Variants in TPCN1 observed in about 807,000 individuals in gnomAD.
TPCN1 encodes the protein two pore segment channel 1.
A neutral mutation model predicts 108.8 loss-of-function variants in TPCN1; 52 were observed. The ratio of observed to expected loss-of-function variants is 0.48; its 90% CI spans 0.38 to 0.60. The LOEUF is 0.60. Ranked by LOEUF, TPCN1 falls within the 20% of genes least tolerant of loss-of-function variation. TPCN1 has a pLI of 0.00. For missense variants in TPCN1, 806 were observed against 1,072.8 expected, an observed-to-expected ratio of 0.75 and a Z score of 3.47; for synonymous variants, 446 against 433.7, an observed-to-expected ratio of 1.03 and a Z score of -0.35.
Position 113,273,378 on chromosome 12 carries a change from G to A in TPCN1, c.842+88G>A, listed in dbSNP as rs757638745. ...TCTGCCAAGTATATTCCACATCCCAGCACAGGCAGGTGCTGTGGTGCTATT... is the reference window on the plus strand; with the variant it reads ...TCTGCCAAGTATATTCCACATCCCAACACAGGCAGGTGCTGTGGTGCTATT... On this transcript the variant is annotated intron_variant, in intron 9 of 27. Transcript: ENST00000335509. This position sits in a 1 kb window ranked among gnomAD's most constrained non-coding sequence, Gnocchi z 4.0. 5.6e-5 allele frequency: 82 copies of A among 1,453,380 alleles called. No individual in the cohort carries two copies. The highest frequency in any genetic ancestry group is 7.5e-5 in the Non-Finnish European group (78 of 1,035,144). 90.0% of individuals were successfully genotyped at this position (1,453,380 alleles called of 1,614,324 possible). A position where few individuals can be genotyped will look rare whatever the true frequency, so the allele number is the denominator to read the frequency against.
In TPCN1 at chr12:113,278,844, G is replaced by C. The variant is rs1955763561; in HGVS notation, c.1297+9G>C. 1.2e-6 allele frequency: 2 copies of C among 1,613,574 alleles called. No homozygotes were observed. Among genetic ancestry groups the C allele is most frequent in the Non-Finnish European group, 1.7e-6 (2 of 1,179,704 alleles). On this transcript the variant is annotated intron_variant, in intron 14 of 27. Transcript: ENST00000335509. ...GCTCCTCATCTTCAAAGGTAAGTGG[G>C]CTTGAGTATGGCAGGTGTTGGCAGC... is the stretch of plus-strand genomic sequence containing the variant.
Position 113,293,066 on chromosome 12 carries a change from G to A in TPCN1, c.2246G>A (p.Arg749Lys). The stretch of plus-strand genomic sequence containing the variant: ...CTGGAGACCCTCTCCCAGATGGAGA[G>A]ATACCAGGTGAGGAGCCCAGGCCCT... ...RLLETLSQME[R>K]YQQHSMVFLG... Residue 749 changes from arginine (R) to lysine (K), a missense_variant, in exon 26 of 28, where the codon AGA becomes AAA. Physicochemically the swap from Arg to Lys is conservative, Grantham distance 26. Transcript: ENST00000335509. The A allele has an allele frequency of 6.2e-7, 1 of 1,611,524 alleles. No individual in the cohort carries two copies. The highest frequency in any genetic ancestry group is 2.2e-5 in the East Asian group (1 of 44,870).
At chr12:113,276,856 C>G (rs149825180) in intron 10 of TPCN1, 63 bp from the exon 11 acceptor site, 33 of 1,117,624 alleles carry the variant, frequency 3.0e-5, no homozygotes, top group Non-Finnish European at 4.1e-5. Context: ...CTCATACCCC[C>G]CTGCACTCCC....
Position 113,266,182 on chromosome 12 carries a change from A to G in TPCN1, c.240A>G (p.Glu80=). Reference sequence around the variant, plus strand: ...CCACACTACTCTCATCTTTTCAGGAAGGCGAGAACAACGACAAGTTCTTCA... The same window carrying G: ...CCACACTACTCTCATCTTTTCAGGAGGGCGAGAACAACGACAAGTTCTTCA... ...NYQEAAIYLQ[E]GENNDKFFTH... Residue 80 remains glutamate, a splice_region_variant and synonymous_variant, in exon 4 of 28, where the codon GAA becomes GAG. Transcript: ENST00000335509. This position sits in a 1 kb window ranked among gnomAD's most constrained non-coding sequence, Gnocchi z 4.2. The G allele has an allele frequency of 6.2e-7, 1 of 1,614,070 alleles. No individual in the cohort carries two copies. Among genetic ancestry groups the G allele is most frequent in the Non-Finnish European group, 8.5e-7 (1 of 1,179,996 alleles).
At chr12:113,287,650 C>A (rs1354190646) in intron 19 of TPCN1, among the ~76,000 whole-genome samples, 1 of 152,246 alleles carries the variant, frequency 6.6e-6, no homozygotes, top group Non-Finnish European at 1.5e-5. Flanking sequence ...CCGCCCCATC[C>A]TCTCCCAAGG....
At chr12:113,244,461 C>T (rs928320923) in intron 2 of TPCN1, 8 of 985,428 alleles carry the variant, frequency 8.1e-6, no homozygotes, top group East Asian at 1.1e-4. Flanking sequence ...AACCAATTAT[C>T]AGAAAGAGAA....
Position 113,284,292 on chromosome 12 carries a change from T to C in TPCN1, c.1343-289T>C, listed in dbSNP as rs1413661820. On this transcript the variant is annotated intron_variant, in intron 15 of 27. Coordinates refer to ENST00000335509, the MANE Select transcript of TPCN1 (RefSeq NM_017901.6). This position sits in a 1 kb window ranked among gnomAD's most constrained non-coding sequence, Gnocchi z 4.1. ...TGAATGCCTGGTATATTGTCCCTCTTTTACCTCAATTTGGAATAATCTCTA... is the reference window on the plus strand; with the variant it reads ...TGAATGCCTGGTATATTGTCCCTCTCTTACCTCAATTTGGAATAATCTCTA... 6.6e-6 allele frequency among the ~76,000 whole-genome samples: 1 copy of C among 152,224 alleles called. No individual in the cohort carries two copies. The highest frequency in any genetic ancestry group is 1.5e-5 in the Non-Finnish European group (1 of 68,034).
At chr12:113,259,637 C>T (rs1392395026) in intron 2 of TPCN1, among the ~76,000 whole-genome samples, 1 of 152,182 alleles carries the variant, frequency 6.6e-6, no homozygotes, top group Admixed American at 6.5e-5. Flanking sequence ...GGGAAAGAGC[C>T]CCTCCTTCCT....
At chr12:113,227,777 T>C (rs1276145088) in intron 2 of TPCN1, among the ~76,000 whole-genome samples, 1 of 152,140 alleles carries the variant, frequency 6.6e-6, no homozygotes, top group East Asian at 1.9e-4. Context: ...GCAGAGATGT[T>C]TGGGGCCAAG....
At position 113,278,976 on chromosome 12, in the gene TPCN1, T is replaced by G. The variant is rs1247747442; in HGVS notation, c.1297+141T>G. On this transcript the variant is annotated intron_variant, in intron 14 of 27. Transcript: ENST00000335509. ...TCTGAATGCCTGTGTGAAGAGACAGTGTGATTACCCCAGCAGGGACGTAAG... is the reference window on the plus strand; with the variant it reads ...TCTGAATGCCTGTGTGAAGAGACAGGGTGATTACCCCAGCAGGGACGTAAG... 1.6e-5 allele frequency: 12 copies of G among 763,470 alleles called. 1 individual carries two copies. Among genetic ancestry groups the G allele is most frequent in the Non-Finnish European group, 2.7e-5 (12 of 452,706 alleles). The allele number at this position is 763,470 out of a possible 1,614,324, so 47.3% of individuals were successfully genotyped here.
At chr12:113,295,584 C>T (rs545877458) in intron 27 of TPCN1, among the ~76,000 whole-genome samples, 22 of 152,172 alleles carry the variant, frequency 1.4e-4, no homozygotes, top group Non-Finnish European at 2.6e-4. Flanking sequence ...CTCTAAGCCT[C>T]GGTGTCTCGG....
chr12:113,254,628 A>AT (rs1476469121), intron 2 of TPCN1, among the ~76,000 whole-genome samples: 1 of 152,110 alleles, frequency 6.6e-6, no homozygotes, highest in Non-Finnish European at 1.5e-5. Flanking sequence ...CCGATTTTTA[A>AT]TTTTTTTCAG....
At chr12:113,264,620 A>C (rs1309888604) in intron 3 of TPCN1, among the ~76,000 whole-genome samples, 1 of 151,720 alleles carries the variant, frequency 6.6e-6, no homozygotes, top group Admixed American at 6.6e-5. Flanking sequence ...CGGAGGTTGC[A>C]GTGAGCCAAG....
chr12:113,253,871 G>A (rs1225914196), intron 2 of TPCN1, among the ~76,000 whole-genome samples: 6 of 152,186 alleles, frequency 3.9e-5, no homozygotes, highest in Admixed American at 3.9e-4. Flanking sequence ...AAAATCTGCC[G>A]CAGGATAGGT....
At position 113,288,320 on chromosome 12, in the gene TPCN1, G is replaced by T. The variant is rs113645766; in HGVS notation, c.1706+86G>T. Reference sequence around the variant, plus strand: ...GGCGGGAGCCGAGTGGCAGTCGGGGGAAAGGAGTTCCACAAAGGACTGCAA... The same window carrying T: ...GGCGGGAGCCGAGTGGCAGTCGGGGTAAAGGAGTTCCACAAAGGACTGCAA... On this transcript the variant is annotated intron_variant, in intron 20 of 27. Transcript: ENST00000335509. The surrounding 1 kb of genome is among the most constrained non-coding windows in gnomAD (Gnocchi z 4.8). 674 of 1,587,742 alleles carry T rather than the reference G, an allele frequency of 4.2e-4. 2 individuals are homozygous for T. The African/African-American group carries it at 4.8e-3, about 11-fold the overall frequency.
chr12:113,287,002 G>T lies in TPCN1; in HGVS notation c.1542G>T (p.Val514=), dbSNP rs1271493921. ...SSGWNLFDFS[V]TVFAFLGLLA... ...CCTACTGCAGGTTTGACTTCTCCGT[G>T]ACAGTGTTCGCCTTCCTGGGACTGC... The change falls in exon 19 of 28, where the codon GTG becomes GTT. Residue 514 remains valine (V), a synonymous_variant. Transcript: ENST00000335509. 3 of 1,613,626 alleles carry T rather than the reference G, an allele frequency of 1.9e-6. No homozygotes were observed. The African/African-American group carries it at 4.0e-5, about 22-fold the overall frequency.
chr12:113,266,253 A>G lies in TPCN1; in HGVS notation c.311A>G (p.His104Arg). The G allele has an allele frequency of 6.2e-7, 1 of 1,614,062 alleles. No homozygotes were observed. Among genetic ancestry groups the G allele is most frequent in the South Asian group, 1.1e-5 (1 of 91,084 alleles). ...GCGCTGGCGGCCTACCTCTTTGCAC[A>G]CAATCACCTCTTCTACCTGATGGAG... is the stretch of plus-strand genomic sequence containing the variant. ...AKALAAYLFAHNHLFYLMELA... is the reference protein window; with the variant it reads ...AKALAAYLFARNHLFYLMELA... Residue 104 changes from histidine (H) to arginine (R), a missense_variant, in exon 4 of 28, where the codon CAC becomes CGC. His to Arg is a conservative substitution (Grantham distance 29, BLOSUM62 0). Coordinates refer to ENST00000335509, the MANE Select transcript of TPCN1 (RefSeq NM_017901.6). The surrounding 1 kb of genome is among the most constrained non-coding windows in gnomAD (Gnocchi z 4.2).
intron 12 of TPCN1, 144 bp downstream of exon 12, chr12:113,277,508 T>G: frequency 5.1e-6 from 5 of 989,752 alleles, no homozygotes; most frequent in Non-Finnish European, 7.4e-6. Context: ...CCATGTAGAC[T>G]TACACACTGG....
intron 2 of TPCN1, among the ~76,000 whole-genome samples, chr12:113,252,619 C>T (rs916600609): frequency 2.6e-5 from 4 of 152,188 alleles, no homozygotes; most frequent in Non-Finnish European, 4.4e-5. Flanking sequence ...TTTATGTTAC[C>T]TAGGACTCTT....
Sources: gnomAD v4.1 joint callset for allele counts (sites outside exome capture counted in the v4.1 genomes callset) on GRCh38, gnomAD v4.1.1 for gene constraint, Gnocchi (gnomAD v3.1) non-coding constraint, MANE v1.5 for transcripts, NCBI Gene and HGNC (gene_info 2026-07-23, HGNC 2026-07-21) for gene names.